The following CADPS variants were observed in gnomAD, a reference collection of about 807,000 sequenced individuals.
CADPS encodes the protein calcium dependent secretion activator, also known as calcium-dependent secretion activator 1.
Under a neutral mutation model 167.3 loss-of-function variants are expected in CADPS, and 57 were observed. The ratio of observed to expected loss-of-function variants is 0.34; its 90% CI spans 0.28 to 0.42. CADPS has a LOEUF of 0.42. Among genes scored for constraint, CADPS ranks in the 20% least tolerant of loss-of-function variants. The probability of loss-of-function intolerance (pLI) is 1.00; values close to 1 mark genes in which losing one functional copy is unlikely to be tolerated. For synonymous variants in CADPS, 676 were observed against 635.3 expected (o/e 1.06, Z -0.96); for missense variants, 1,414 against 1,738.1 (o/e 0.81, Z 3.32).
chr3:62,710,946 C>G (rs2083284032), intron 3 of CADPS, among the ~76,000 whole-genome samples: 1 of 152,104 alleles, frequency 6.6e-6, no homozygotes. Context: ...TTCAGGATCC[C>G]CCAGTGAATT....
At chr3:62,789,875 GCT>G in intron 1 of CADPS, among the ~76,000 whole-genome samples, 1 of 152,058 alleles carries the variant, frequency 6.6e-6, no homozygotes, top group East Asian at 1.9e-4. Flanking sequence ...AGTTTTTCCT[GCT>G]CTCACTCCCT....
Position 62,478,466 on chromosome 3 carries a change from C to G in CADPS, c.3174-50G>C, listed in dbSNP as rs1249669282. The G allele has an allele frequency of 6.5e-7, 1 of 1,546,338 alleles. No homozygotes were observed. Among genetic ancestry groups the G allele is most frequent in the Non-Finnish European group, 8.8e-7 (1 of 1,135,396 alleles). ...GAGAGTCACCCACTGGCCTCAGGCTCTACAAAAACTAACACAGAGACAACT... is the reference window on the plus strand; with the variant it reads ...GAGAGTCACCCACTGGCCTCAGGCTGTACAAAAACTAACACAGAGACAACT... On this transcript the variant is annotated intron_variant, in intron 22 of 29. Coordinates refer to ENST00000383710, the MANE Select transcript of CADPS (RefSeq NM_003716.4). This position sits in a 1 kb window ranked among gnomAD's most constrained non-coding sequence, Gnocchi z 5.7.
chr3:62,865,938 A>C (rs151262813), intron 1 of CADPS, among the ~76,000 whole-genome samples: 2 of 152,274 alleles, frequency 1.3e-5, no homozygotes, highest in African/African-American at 4.8e-5. Context: ...TCTGTGATAC[A>C]ACTTTGGCAA....
intron 6 of CADPS, 47 bp downstream of exon 6, chr3:62,645,675 A>G (rs773407303): frequency 6.2e-7 from 1 of 1,604,278 alleles, no homozygotes; most frequent in Admixed American, 1.7e-5. Context: ...AATGGAACTA[A>G]TGGCAGCAAC....
chr3:62,640,977 C>T (rs1200329435), intron 6 of CADPS, among the ~76,000 whole-genome samples: 3 of 151,918 alleles, frequency 2.0e-5, no homozygotes, highest in Non-Finnish European at 2.9e-5. Context: ...CTACCATCTT[C>T]CCAATCTCTG....
chr3:62,783,397 T>C (rs1353490249), intron 1 of CADPS, among the ~76,000 whole-genome samples: 1 of 152,152 alleles, frequency 6.6e-6, no homozygotes, highest in Non-Finnish European at 1.5e-5. Context: ...ACCAAGACTA[T>C]TTCTTATTTT....
At chr3:62,860,683 T>C (rs1044059669) in intron 1 of CADPS, among the ~76,000 whole-genome samples, 1 of 152,142 alleles carries the variant, frequency 6.6e-6, no homozygotes, top group East Asian at 1.9e-4. Flanking sequence ...ATCCAAATCT[T>C]ACCACCTCTA....
At chr3:62,712,712 T>A (rs1407755056) in intron 3 of CADPS, among the ~76,000 whole-genome samples, 3 of 152,204 alleles carry the variant, frequency 2.0e-5, no homozygotes, top group African/African-American at 7.2e-5. Context: ...AATGCACTTT[T>A]AAAAATATGT....
At chr3:62,751,402 C>A (rs1029539931) in intron 3 of CADPS, among the ~76,000 whole-genome samples, 4 of 151,984 alleles carry the variant, frequency 2.6e-5, no homozygotes, top group Non-Finnish European at 5.9e-5. Context: ...GAGTAAAATA[C>A]TAAATGTCTT....
chr3:62,594,396 C>T (rs908469048), intron 6 of CADPS, among the ~76,000 whole-genome samples: 6 of 152,040 alleles, frequency 3.9e-5, no homozygotes, highest in South Asian at 2.1e-4. Context: ...CTCCTGACCT[C>T]GTGATCCGCC....
intron 5 of CADPS, among the ~76,000 whole-genome samples, chr3:62,649,991 A>G (rs1309002434): frequency 6.6e-6 from 1 of 152,124 alleles, no homozygotes; most frequent in African/African-American, 2.4e-5. Context: ...GTTGGTTAAC[A>G]TTTACGTTGT....
intron 3 of CADPS, among the ~76,000 whole-genome samples, chr3:62,702,777 ATAATTTTAAT>A (rs1396927452): frequency 1.3e-5 from 2 of 152,118 alleles, no homozygotes; most frequent in East Asian, 1.9e-4. Context: ...AAACTTGCAT[ATAATTTTAAT>A]TAATTTAAGT....
intron 1 of CADPS, among the ~76,000 whole-genome samples, chr3:62,850,198 ATTTT>A: frequency 7.4e-6 from 1 of 135,758 alleles, no homozygotes; most frequent in African/African-American, 2.7e-5. Flanking sequence ...CGGTCTATCA[ATTTT>A]GTTGATCCTT....
At chr3:62,725,856 A>T (rs1201215629) in intron 3 of CADPS, among the ~76,000 whole-genome samples, 1 of 151,856 alleles carries the variant, frequency 6.6e-6, no homozygotes, top group East Asian at 1.9e-4. Context: ...GTTGACACTC[A>T]GTGCCTTACT....
chr3:62,795,262 A>AT (rs2093324479), intron 1 of CADPS, among the ~76,000 whole-genome samples: 2 of 152,052 alleles, frequency 1.3e-5, no homozygotes, highest in Non-Finnish European at 2.9e-5. Flanking sequence ...CATCTCTAAG[A>AT]GGCTTGCTCT....
chr3:62,461,458 T>C lies in CADPS; in HGVS notation c.3636+3909A>G, dbSNP rs74418299. 1.3e-3 allele frequency among the ~76,000 whole-genome samples: 203 copies of C among 152,264 alleles called. 4 individuals carry two copies. In the East Asian group the frequency reaches 0.034, roughly 25 times the overall value. On this transcript the variant is annotated intron_variant, in intron 26 of 29. Transcript: ENST00000383710. ...TCCATGGACTCTCAGGACTCCTAGC[T>C]CAGCTGAGCTCTCCGGTATATCATA...
intron 10 of CADPS, among the ~76,000 whole-genome samples, chr3:62,554,397 T>A (rs1013980577): frequency 2.6e-5 from 4 of 152,172 alleles, no homozygotes; most frequent in Non-Finnish European, 5.9e-5. Context: ...GCAACAATAT[T>A]AATTGCATCC....
At chr3:62,838,527 T>C (rs1055972499) in intron 1 of CADPS, among the ~76,000 whole-genome samples, 1 of 152,118 alleles carries the variant, frequency 6.6e-6, no homozygotes, top group African/African-American at 2.4e-5. Context: ...TGTGGGTATG[T>C]GTGGTTTTGG....
chr3:62,764,910 A>G (rs1452957994), intron 2 of CADPS, among the ~76,000 whole-genome samples: 3 of 152,236 alleles, frequency 2.0e-5, no homozygotes, highest in African/African-American at 7.2e-5. Context: ...CAAGTTTACC[A>G]TTATTACTGT....
Sources: gnomAD v4.1 joint callset for allele counts (sites outside exome capture counted in the v4.1 genomes callset) on GRCh38, gnomAD v4.1.1 for gene constraint, Gnocchi (gnomAD v3.1) non-coding constraint, MANE v1.5 for transcripts, NCBI Gene and HGNC (gene_info 2026-07-23, HGNC 2026-07-21) for gene names.